The following KLF5 variants were observed in gnomAD, a reference collection of about 807,000 sequenced individuals.
KLF5 encodes the protein KLF transcription factor 5.
A neutral mutation model predicts 36.9 loss-of-function variants in KLF5; 9 were observed. The observed-to-expected ratio is 0.24, with a 90% CI of 0.15 to 0.43. KLF5 has a LOEUF of 0.43. KLF5 is among the 20% of genes least tolerant of loss of function. KLF5 has a pLI of 1.00. For synonymous variants in KLF5, 246 were observed against 241.7 expected, an observed-to-expected ratio of 1.02 and a Z score of -0.17; for missense variants, 524 against 599.5, an observed-to-expected ratio of 0.87 and a Z score of 1.31.
intron 3 of KLF5, among the ~76,000 whole-genome samples, chr13:73,072,276 C>G (rs531184659): frequency 7.3e-4 from 111 of 152,238 alleles, no homozygotes; most frequent in African/African-American, 2.5e-3. Context: ...TTTAAAATGG[C>G]TTACAAACAT....
Position 73,074,408 on chromosome 13 carries a change from T to C in KLF5, c.1196-1300T>C, listed in dbSNP as rs1274322548. 4.6e-5 allele frequency among the ~76,000 whole-genome samples: 7 copies of C among 152,136 alleles called. No homozygotes were observed. The East Asian group carries it at 1.2e-3, about 25-fold the overall frequency. On this transcript the variant is annotated intron_variant, in intron 3 of 3. Coordinates refer to ENST00000377687, the MANE Select transcript of KLF5 (RefSeq NM_001730.5). ...AGAAGGAAACATTTTTTTAAGGGAA[T>C]TTAAGAGGTGAAAAAGTATCTATAT...
chr13:73,062,074 A>T lies in KLF5; in HGVS notation c.475A>T (p.Thr159Ser). 6.2e-7 allele frequency: 1 copy of T among 1,614,136 alleles called. No individual in the cohort carries two copies. Among genetic ancestry groups the T allele is most frequent in the Non-Finnish European group, 8.5e-7 (1 of 1,180,032 alleles). Reference sequence around the variant, plus strand: ...CTACAAATCCCAGAGACCGTGCGTAACACACATCAAGACAGAACCTGTTGC... The same window carrying T: ...CTACAAATCCCAGAGACCGTGCGTATCACACATCAAGACAGAACCTGTTGC... ...GLYKSQRPCV[T>S]HIKTEPVAIF... The change falls in exon 2 of 4, where the codon ACA (threonine) becomes TCA (serine). Residue 159 changes from threonine (T) to serine (S), a missense_variant. By Grantham distance (58) the Thr-to-Ser change is moderately conservative. Transcript: ENST00000377687.
At chr13:73,070,286 A>C (rs1419616736) in intron 3 of KLF5, among the ~76,000 whole-genome samples, 12 of 152,206 alleles carry the variant, frequency 7.9e-5, no homozygotes, top group Admixed American at 7.9e-4. Flanking sequence ...GTGCAAATTA[A>C]AGGGAAGGTT....
chr13:73,063,788 A>G lies in KLF5; in HGVS notation c.1136-36A>G, dbSNP rs202044241. ...CATCAAATGTAAAGATTTCAAAAGG[A>G]TCTCCAAAATGACATGCTGTTCTCC... On this transcript the variant is annotated intron_variant, in intron 2 of 3. Transcript: ENST00000377687. 7.4e-5 allele frequency: 105 copies of G among 1,417,000 alleles called. No homozygotes were observed. In the East Asian group the frequency reaches 2.3e-3, roughly 31 times the overall value. The allele number at this position is 1,417,000 out of a possible 1,614,324, so 87.8% of individuals were successfully genotyped here.
chr13:73,058,407 G>A (rs1036256771), upstream of KLF5, among the ~76,000 whole-genome samples: 2 of 152,210 alleles, frequency 1.3e-5, no homozygotes, highest in African/African-American at 2.4e-5. Flanking sequence ...AATTTGCCTT[G>A]TTAAACGGAT....
At chr13:73,062,874 T>TAA (rs374320358) in intron 2 of KLF5, 140 bp downstream of exon 2, 121 of 481,316 alleles carry the variant, frequency 2.5e-4, no homozygotes, top group East Asian at 3.9e-4. Flanking sequence ...TACTTGACAG[T>TAA]AAAAAAAAAA....
At chr13:73,074,134 TGTC>T (rs1306529166) in intron 3 of KLF5, among the ~76,000 whole-genome samples, 6 of 152,336 alleles carry the variant, frequency 3.9e-5, no homozygotes, top group South Asian at 2.1e-4. Context: ...ACCACTTTCA[TGTC>T]GTCTGTTTTG....
chr13:73,066,343 T>G (rs2044680003), intron 3 of KLF5, among the ~76,000 whole-genome samples: 1 of 152,082 alleles, frequency 6.6e-6, no homozygotes, highest in Admixed American at 6.6e-5. Flanking sequence ...TCTTTCCCTT[T>G]AAGGCCCAGG....
intron 3 of KLF5, among the ~76,000 whole-genome samples, chr13:73,070,782 A>T (rs963450121): frequency 6.6e-6 from 1 of 152,212 alleles, no homozygotes; most frequent in African/African-American, 2.4e-5. Flanking sequence ...TTATCCCTGT[A>T]TAACTTCAGA....
Position 73,076,002 on chromosome 13 carries a change from G to T in KLF5, c.*116G>T. 2 of 834,834 alleles carry T rather than the reference G, an allele frequency of 2.4e-6. No homozygotes were observed. Among genetic ancestry groups the T allele is most frequent in the South Asian group, 2.7e-5 (1 of 37,352 alleles). 51.7% of individuals were successfully genotyped at this position (834,834 alleles called of 1,614,324 possible). ...AAGCAAGAAAACCACAACTAAAACT[G>T]GAAATGTATATTTTGTATATTTGAG... On this transcript the variant is annotated 3_prime_UTR_variant, in exon 4 of 4. Transcript: ENST00000377687.
chr13:73,063,966 ATCTCT>A, intron 3 of KLF5, 83 bp downstream of exon 3: 1 of 648,378 alleles, frequency 1.5e-6, no homozygotes, highest in Non-Finnish European at 2.7e-6. Flanking sequence ...CACGTGTTTG[ATCTCT>A]TCTCCTGTCA....
intron 3 of KLF5, among the ~76,000 whole-genome samples, chr13:73,069,739 T>C (rs191617417): frequency 2.0e-5 from 3 of 152,186 alleles, no homozygotes; most frequent in Admixed American, 2.0e-4. Context: ...TTAAACATTG[T>C]TTAGAGATGA....
chr13:73,075,987 AC>A lies in KLF5; in HGVS notation c.*103del. Reference sequence around the variant, plus strand: ...AACAAAAACAAACAAAAGCAAGAAAACCACAACTAAAACTGGAAATGTATAT... The same window carrying A: ...AACAAAAACAAACAAAAGCAAGAAAACACAACTAAAACTGGAAATGTATAT... On this transcript the variant is annotated 3_prime_UTR_variant, in exon 4 of 4. Transcript: ENST00000377687. 1 of 974,872 alleles carries A rather than the reference AC, an allele frequency of 1.0e-6. No individual in the cohort carries two copies. Among genetic ancestry groups the A allele is most frequent in the Non-Finnish European group, 1.4e-6 (1 of 698,496 alleles). 60.4% of individuals were successfully genotyped at this position (974,872 alleles called of 1,614,324 possible).
rs146860819 is a variant in KLF5 at position 73,062,721 on chromosome 13, C to T, written c.1122C>T (p.Tyr374=). The T allele has an allele frequency of 2.9e-5, 46 of 1,613,536 alleles. No homozygotes were observed. In the African/African-American group the frequency reaches 5.7e-4, roughly 20 times the overall value. ...NPDLEKRRIH[Y]CDYPGCTKVY... is the part of the protein sequence containing the mutation. ...ATTTGGAGAAACGACGCATCCACTA[C>T]TGCGATTACCCTGGTATGTGCTCTT... Residue 374 remains tyrosine (Y), a synonymous_variant, in exon 2 of 4, where the codon TAC becomes TAT. Coordinates refer to ENST00000377687, the MANE Select transcript of KLF5 (RefSeq NM_001730.5).
At chr13:73,057,337 G>C (rs1461843482), upstream of KLF5, among the ~76,000 whole-genome samples, 1 of 152,154 alleles carries the variant, frequency 6.6e-6, no homozygotes, top group Admixed American at 6.5e-5. Context: ...TTACATGATA[G>C]GTTTTACATT....
intron 1 of KLF5, 142 bp downstream of exon 1, chr13:73,059,730 G>GC (rs1277812389): frequency 2.6e-6 from 2 of 761,826 alleles, no homozygotes; most frequent in African/African-American, 3.9e-5. Context: ...GGGCAGCCCC[G>GC]CCCTGCACGC....
Position 73,062,167 on chromosome 13 carries a change from A to G in KLF5, c.568A>G (p.Thr190Ala). The G allele has an allele frequency of 1.2e-6, 2 of 1,614,102 alleles. No homozygotes were observed. The highest frequency in any genetic ancestry group is 1.3e-5 in the African/African-American group (1 of 75,038). The part of the protein sequence containing the change: ...PAPTQALPEF[T>A]SIFSSHQTAA... ...CCCGACCCAGGCCCTCCCTGAGTTCACCAGTATATTCAGCTCACACCAGAC... is the reference window on the plus strand; with the variant it reads ...CCCGACCCAGGCCCTCCCTGAGTTCGCCAGTATATTCAGCTCACACCAGAC... The change falls in exon 2 of 4, where the codon ACC (threonine) becomes GCC (alanine). Residue 190 changes from threonine (T) to alanine (A), a missense_variant. Thr to Ala is a moderately conservative substitution (Grantham distance 58). Coordinates refer to ENST00000377687, the MANE Select transcript of KLF5 (RefSeq NM_001730.5).
chr13:73,059,777 G>C lies in KLF5; in HGVS notation c.261+189G>C, dbSNP rs868031180. 9.6e-4 allele frequency: 713 copies of C among 741,296 alleles called. 9 individuals carry two copies. In the African/African-American group the frequency reaches 0.011, roughly 12 times the overall value. 45.9% of individuals were successfully genotyped at this position (741,296 alleles called of 1,614,324 possible). ...CCCGCGTTTCGCTGAGAGTAAATGG[G>C]GGGGGGGGCCGGGGGTGGGAAGGAT... On this transcript the variant is annotated intron_variant, in intron 1 of 3. Coordinates refer to ENST00000377687, the MANE Select transcript of KLF5 (RefSeq NM_001730.5).
In KLF5 at chr13:73,059,044, G is replaced by C. The variant is rs961341124; in HGVS notation, c.-284G>C. 3 of 302,018 alleles carry C rather than the reference G, an allele frequency of 9.9e-6. No homozygotes were observed. Among genetic ancestry groups the C allele is most frequent in the African/African-American group, 2.2e-5 (1 of 46,116 alleles). The allele number at this position is 302,018 out of a possible 1,614,324, so 18.7% of individuals were successfully genotyped here. ...TACGTGCGCTCGCGGTTCTCTCGCG[G>C]AGGTCGGCGGTGGCGGGAGCGGGCT... On this transcript the variant is annotated 5_prime_UTR_variant, in exon 1 of 4. Transcript: ENST00000377687.
Sources: gnomAD v4.1 joint callset for allele counts (sites outside exome capture counted in the v4.1 genomes callset) on GRCh38, gnomAD v4.1.1 for gene constraint, MANE v1.5 for transcripts, NCBI Gene and HGNC (gene_info 2026-07-23, HGNC 2026-07-21) for gene names.